SRGAP1: variants seen among roughly 807,000 people sequenced by gnomAD.
The protein encoded by SRGAP1 is SLIT-ROBO Rho GTPase activating protein 1, also known as SLIT-ROBO Rho GTPase-activating protein 1.
Under a neutral mutation model 121.9 loss-of-function variants are expected in SRGAP1, and 43 were observed. The observed-to-expected ratio is 0.35, with a 90% CI of 0.28 to 0.46. The LOEUF (loss-of-function observed/expected upper bound fraction) is 0.46. Among genes scored for constraint, SRGAP1 ranks in the 20% least tolerant of loss-of-function variants. The pLI is 1.00. For missense variants in SRGAP1, 1,102 were observed against 1,350.9 expected, an observed-to-expected ratio of 0.82 and a Z score of 2.89; for synonymous variants, 447 against 485.4, an observed-to-expected ratio of 0.92 and a Z score of 1.04.
At chr12:63,861,554 C>G (rs1160982915) in intron 1 of SRGAP1, among the ~76,000 whole-genome samples, 3 of 152,084 alleles carry the variant, frequency 2.0e-5, no homozygotes, top group Non-Finnish European at 4.4e-5. Context: ...CTGCCTCTGC[C>G]TCCCAAAGTG....
chr12:64,049,708 C>T (rs766848152), intron 6 of SRGAP1, among the ~76,000 whole-genome samples: 1 of 152,090 alleles, frequency 6.6e-6, no homozygotes, highest in Admixed American at 6.6e-5. Flanking sequence ...TTTCTGGGTT[C>T]TCTATTCTGT....
At chr12:63,848,672 G>C (rs544946868) in intron 1 of SRGAP1, among the ~76,000 whole-genome samples, 28 of 152,140 alleles carry the variant, frequency 1.8e-4, no homozygotes, top group African/African-American at 6.5e-4. Context: ...AGCCTCCTGA[G>C]TAGCTGGAAA....
intron 1 of SRGAP1, among the ~76,000 whole-genome samples, chr12:63,911,506 C>T (rs1179384925): frequency 6.6e-6 from 1 of 152,042 alleles, no homozygotes; most frequent in Admixed American, 6.6e-5. Flanking sequence ...AGCTGATCTC[C>T]CTGAAAAGAC....
chr12:64,103,716 G>T (rs2036295132), intron 15 of SRGAP1, among the ~76,000 whole-genome samples: 1 of 152,148 alleles, frequency 6.6e-6, no homozygotes. Context: ...AGTAGGTAAA[G>T]CTCTCTAGGC....
At chr12:64,031,955 T>C (rs924949509) in intron 4 of SRGAP1, among the ~76,000 whole-genome samples, 2 of 152,068 alleles carry the variant, frequency 1.3e-5, no homozygotes, top group African/African-American at 4.8e-5. Flanking sequence ...AAAATCCAGG[T>C]TTGTTGTTCA....
rs2035790055 is a variant in SRGAP1, at chr12:64,079,056, T to C, written c.1263T>C (p.Ser421=). Residue 421 remains serine, a synonymous_variant, in exon 9 of 22, where the codon AGT becomes AGC. Coordinates refer to ENST00000355086, the MANE Select transcript of SRGAP1 (RefSeq NM_020762.4). Reference sequence around the variant, plus strand: ...CCACTGTCTCTGAAACCTACCTGAGTAAACCCAGCATCGCCAAGAGAAGAG... The same window carrying C: ...CCACTGTCTCTGAAACCTACCTGAGCAAACCCAGCATCGCCAAGAGAAGAG... ...VKSTVSETYL[S]KPSIAKRRAN... is the part of the protein sequence containing the mutation. 6.2e-7 allele frequency: 1 copy of C among 1,613,912 alleles called. No homozygotes were observed. The highest frequency in any genetic ancestry group is 1.7e-5 in the Admixed American group (1 of 59,988).
At chr12:64,018,832 C>A (rs2034473963) in intron 4 of SRGAP1, among the ~76,000 whole-genome samples, 1 of 152,116 alleles carries the variant, frequency 6.6e-6, no homozygotes, top group South Asian at 2.1e-4. Flanking sequence ...GCTTCTGATA[C>A]CCTAAGGTAT....
chr12:64,101,537 T>C (rs1054459421), intron 15 of SRGAP1, among the ~76,000 whole-genome samples: 2 of 152,238 alleles, frequency 1.3e-5, no homozygotes, highest in South Asian at 2.1e-4. Flanking sequence ...GAAGACATAG[T>C]AAAACCAAAT....
In SRGAP1 at chr12:64,148,315, T is replaced by G. The variant is rs897693269; in HGVS notation, c.*5643T>G. Reference sequence around the variant, plus strand: ...TTTTTTTTTTTGAGACGAATCTCTCTGTGTCACCCAGGCTGTAGTGCAGTG... The same window carrying G: ...TTTTTTTTTTTGAGACGAATCTCTCGGTGTCACCCAGGCTGTAGTGCAGTG... On this transcript the variant is annotated 3_prime_UTR_variant, in exon 22 of 22. Transcript: ENST00000355086. 6.7e-6 allele frequency: 1 copy of G among 150,076 alleles called. No homozygotes were observed. Among genetic ancestry groups the G allele is most frequent in the Non-Finnish European group, 1.5e-5 (1 of 67,588 alleles). The allele number at this position is 150,076 out of a possible 1,614,324, so 9.3% of individuals were successfully genotyped here.
intron 1 of SRGAP1, among the ~76,000 whole-genome samples, chr12:63,942,676 A>G (rs1403398167): frequency 6.6e-6 from 1 of 152,180 alleles, no homozygotes; most frequent in East Asian, 1.9e-4. Flanking sequence ...TAGTGAGTCC[A>G]CTTTGCTTCT....
chr12:63,969,775 C>A (rs1268203296), intron 1 of SRGAP1, among the ~76,000 whole-genome samples: 2 of 150,390 alleles, frequency 1.3e-5, no homozygotes, highest in Non-Finnish European at 3.0e-5. Flanking sequence ...GCCTGGGTGA[C>A]AGAGCGAGAC....
chr12:63,906,506 G>A (rs574242700), intron 1 of SRGAP1, among the ~76,000 whole-genome samples: 10 of 151,934 alleles, frequency 6.6e-5, no homozygotes, highest in Non-Finnish European at 1.0e-4. Context: ...GTAGAGACGG[G>A]GTTTCACCGT....
intron 18 of SRGAP1, among the ~76,000 whole-genome samples, chr12:64,121,795 G>A (rs751178356): frequency 1.3e-5 from 2 of 151,820 alleles, no homozygotes; most frequent in Non-Finnish European, 2.9e-5. Flanking sequence ...TTTGCTGAGT[G>A]CTCTGTGTTT....
intron 18 of SRGAP1, among the ~76,000 whole-genome samples, chr12:64,118,406 A>G (rs1040231916): frequency 6.6e-6 from 1 of 151,962 alleles, no homozygotes; most frequent in African/African-American, 2.4e-5. Flanking sequence ...AGTAGCTGGC[A>G]CTAGAGGCAC....
chr12:64,158,448 A>C lies in SRGAP1; in HGVS notation c.*15776A>C, dbSNP rs1436947693. The C allele has an allele frequency of 1.3e-5, 2 of 152,214 alleles. No homozygotes were observed. Among genetic ancestry groups the C allele is most frequent in the Non-Finnish European group, 2.9e-5 (2 of 68,038 alleles). The allele number at this position is 152,214 out of a possible 1,614,324, so 9.4% of individuals were successfully genotyped here. Reference sequence around the variant, plus strand: ...TTCAAACCCAACACATCGGGTGCTAAAGTCTACCCTCTTAGTTGACATAGA... The same window carrying C: ...TTCAAACCCAACACATCGGGTGCTACAGTCTACCCTCTTAGTTGACATAGA... On this transcript the variant is annotated 3_prime_UTR_variant, in exon 22 of 22. Coordinates refer to ENST00000355086, the MANE Select transcript of SRGAP1 (RefSeq NM_020762.4).
At chr12:63,858,711 T>G (rs143441834) in intron 1 of SRGAP1, among the ~76,000 whole-genome samples, 163 of 152,332 alleles carry the variant, frequency 1.1e-3, no homozygotes, top group African/African-American at 3.6e-3. Context: ...TAAATTATAC[T>G]TTTCTTTTTT....
chr12:63,867,905 T>G (rs890919670), intron 1 of SRGAP1, among the ~76,000 whole-genome samples: 1 of 151,388 alleles, frequency 6.6e-6, no homozygotes, highest in Non-Finnish European at 1.5e-5. Flanking sequence ...CACCAGAAGC[T>G]ATGCTTTGCC....
chr12:64,127,612 C>T lies in SRGAP1; in HGVS notation c.2428C>T (p.Leu810=), dbSNP rs2036713679. ...CAGGGATGATACGTTTTCAGACACT[C>T]TGAGCCAAAAAGCCGACAGTGAGGC... The part of the protein sequence containing the change: ...QDMDDTFSDT[L]SQKADSEASS... Residue 810 remains leucine (L), a synonymous_variant, in exon 20 of 22, where the codon CTG becomes TTG. Transcript: ENST00000355086. 6.2e-7 allele frequency: 1 copy of T among 1,613,996 alleles called. No homozygotes were observed. Among genetic ancestry groups the T allele is most frequent in the Non-Finnish European group, 8.5e-7 (1 of 1,179,974 alleles).
At chr12:64,094,171 T>C (rs1341252924) in intron 12 of SRGAP1, among the ~76,000 whole-genome samples, 1 of 152,140 alleles carries the variant, frequency 6.6e-6, no homozygotes, top group African/African-American at 2.4e-5. Context: ...ATGGAGTACA[T>C]GGCATTGGTA....
Sources: allele counts gnomAD v4.1 joint callset (sites outside exome capture counted in the v4.1 genomes callset), GRCh38; gene constraint gnomAD v4.1.1; transcripts MANE v1.5; gene names NCBI Gene and HGNC (gene_info 2026-07-23, HGNC 2026-07-21).